The following PATJ variants were observed in gnomAD, a reference collection of about 807,000 sequenced individuals.
The protein encoded by PATJ is inaD-like protein.
Under a neutral mutation model 224.9 loss-of-function variants are expected in PATJ, and 190 were observed. That is an observed-to-expected ratio of 0.84 (90% CI 0.75 to 0.95). The LOEUF is 0.95. PATJ is among the 40% of genes least tolerant of loss of function. The pLI is 0.00. For missense variants in PATJ, 2,121 were observed against 2,270.3 expected, an observed-to-expected ratio of 0.93 and a Z score of 1.34; for synonymous variants, 769 against 820.3, an observed-to-expected ratio of 0.94 and a Z score of 1.07.
intron 41 of PATJ, 127 bp from the exon 42 acceptor site, chr1:62,148,157 C>A: frequency 2.3e-6 from 1 of 441,716 alleles, no homozygotes. Flanking sequence ...AGAGAATAGT[C>A]CTTGTGTCAA....
chr1:61,936,134 T>G (rs1457885990), intron 27 of PATJ, among the ~76,000 whole-genome samples: 1 of 152,012 alleles, frequency 6.6e-6, no homozygotes, highest in Non-Finnish European at 1.5e-5. Flanking sequence ...TTTTAGAACA[T>G]TTAGGACATT....
At chr1:61,846,646 G>T (rs912770535) in intron 17 of PATJ, among the ~76,000 whole-genome samples, 1 of 152,132 alleles carries the variant, frequency 6.6e-6, no homozygotes, top group Non-Finnish European at 1.5e-5. Context: ...GCCCAGGCTG[G>T]AGTACAGTGG....
chr1:61,995,053 A>G (rs193066722), intron 28 of PATJ, among the ~76,000 whole-genome samples: 26 of 152,362 alleles, frequency 1.7e-4, no homozygotes, highest in African/African-American at 6.0e-4. Flanking sequence ...TGAGCTGAGT[A>G]TAGGAAATTT....
chr1:62,017,413 CA>C (rs58031818), intron 28 of PATJ, among the ~76,000 whole-genome samples: 136 of 134,476 alleles, frequency 1.0e-3, no homozygotes, highest in East Asian at 2.2e-3. Flanking sequence ...GACTCCGCCT[CA>C]AAAAAAAAAA....
chr1:61,752,678 G>C (rs904286538), intron 1 of PATJ, among the ~76,000 whole-genome samples: 1 of 152,076 alleles, frequency 6.6e-6, no homozygotes, highest in African/African-American at 2.4e-5. Flanking sequence ...CTATTCACAA[G>C]TTTTAATTTC....
At chr1:62,160,872 T>C in intron 43 of PATJ, 36 bp from the exon 44 acceptor site, 1 of 1,609,836 alleles carries the variant, frequency 6.2e-7, no homozygotes, top group Non-Finnish European at 8.5e-7. Context: ...AACTGTGTTT[T>C]ACCCTGGATT....
chr1:62,148,625 T>C (rs116727266), intron 42 of PATJ, among the ~76,000 whole-genome samples: 3,159 of 152,302 alleles, frequency 0.021, 99 homozygotes, highest in African/African-American at 0.069. Flanking sequence ...ACAGTGCCTA[T>C]GCCTGCTTCC....
chr1:62,000,512 G>A (rs375502700), intron 28 of PATJ, among the ~76,000 whole-genome samples: 9 of 151,614 alleles, frequency 5.9e-5, no homozygotes, highest in African/African-American at 1.2e-4. Context: ...CCATGTCCCT[G>A]CAAAGGACAT....
chr1:61,772,243 A>G (rs1448253705), intron 6 of PATJ, among the ~76,000 whole-genome samples: 1 of 151,944 alleles, frequency 6.6e-6, no homozygotes, highest in East Asian at 1.9e-4. Context: ...GATGTAGCCA[A>G]TTAATTGAGA....
intron 16 of PATJ, among the ~76,000 whole-genome samples, chr1:61,830,434 A>G (rs1659093948): frequency 6.6e-6 from 1 of 151,190 alleles, no homozygotes; most frequent in Non-Finnish European, 1.5e-5. Flanking sequence ...CATACTGCCC[A>G]AAGCAATTTA....
At chr1:62,096,897 G>C (rs368497449) in intron 33 of PATJ, among the ~76,000 whole-genome samples, 2 of 152,242 alleles carry the variant, frequency 1.3e-5, no homozygotes, top group South Asian at 4.2e-4. Flanking sequence ...GATTACAGGC[G>C]TGAGCCACTG....
intron 27 of PATJ, among the ~76,000 whole-genome samples, chr1:61,934,743 C>G (rs933777437): frequency 6.6e-6 from 1 of 152,018 alleles, no homozygotes; most frequent in Non-Finnish European, 1.5e-5. Context: ...GGCTAATGAC[C>G]CTCTCTGTTT....
intron 29 of PATJ, among the ~76,000 whole-genome samples, chr1:62,034,123 C>T (rs1649873014): frequency 6.6e-6 from 1 of 152,154 alleles, no homozygotes; most frequent in African/African-American, 2.4e-5. Flanking sequence ...GCACTGGGGC[C>T]TAAGAAACTT....
Position 61,787,783 on chromosome 1 carries a change from C to T in PATJ, c.879C>T (p.Ile293=). The T allele has an allele frequency of 6.2e-7, 1 of 1,614,092 alleles. No individual in the cohort carries two copies. Among genetic ancestry groups the T allele is most frequent in the Non-Finnish European group, 8.5e-7 (1 of 1,179,932 alleles). The part of the protein sequence containing the change: ...RDGRLQTGDH[I]LKIGGTNVQG... Reference sequence around the variant, plus strand: ...GAAGACTCCAGACAGGGGACCACATCTTGAAGATTGGTGGCACAAACGTGC... The same window carrying T: ...GAAGACTCCAGACAGGGGACCACATTTTGAAGATTGGTGGCACAAACGTGC... Residue 293 remains isoleucine (I), a synonymous_variant, in exon 8 of 44, where the codon ATC becomes ATT. Transcript: ENST00000642238.
At chr1:62,003,003 C>T (rs369678147) in intron 28 of PATJ, among the ~76,000 whole-genome samples, 1 of 152,166 alleles carries the variant, frequency 6.6e-6, no homozygotes, top group Non-Finnish European at 1.5e-5. Context: ...AATAAATTCC[C>T]GGTCATTGGT....
chr1:61,781,984 ACT>A (rs1442320356), intron 7 of PATJ, among the ~76,000 whole-genome samples: 2 of 152,154 alleles, frequency 1.3e-5, no homozygotes, highest in Non-Finnish European at 2.9e-5. Flanking sequence ...CCCATCAGAG[ACT>A]CTGCACAGGG....
At chr1:61,807,407 G>C (rs1313381958) in intron 13 of PATJ, among the ~76,000 whole-genome samples, 2 of 152,032 alleles carry the variant, frequency 1.3e-5, no homozygotes, top group East Asian at 3.9e-4. Flanking sequence ...GAACTCCTGG[G>C]CTCAAGTGAT....
intron 20 of PATJ, among the ~76,000 whole-genome samples, chr1:61,871,315 G>T (rs531233112): frequency 6.2e-5 from 8 of 129,620 alleles, no homozygotes; most frequent in African/African-American, 1.9e-4. Context: ...AGGTTCAAGC[G>T]ATTCTCCTGC....
intron 17 of PATJ, among the ~76,000 whole-genome samples, chr1:61,854,147 G>C (rs1468283856): frequency 1.3e-5 from 2 of 152,186 alleles, no homozygotes; most frequent in Admixed American, 1.3e-4. Flanking sequence ...ACTTCAAACA[G>C]ACATAGCCGG....
Sources: allele counts gnomAD v4.1 joint callset (sites outside exome capture counted in the v4.1 genomes callset), GRCh38; gene constraint gnomAD v4.1.1; transcripts MANE v1.5; gene names NCBI Gene and HGNC (gene_info 2026-07-23, HGNC 2026-07-21).